Variants in PHACTR1 observed in about 807,000 individuals in gnomAD.
PHACTR1 encodes the protein phosphatase and actin regulator 1, also known as RPEL repeat containing 1.
Under a neutral mutation model 69.2 loss-of-function variants are expected in PHACTR1, and 16 were observed. The observed-to-expected ratio is 0.23, with a 90% CI of 0.16 to 0.35. The LOEUF (loss-of-function observed/expected upper bound fraction) is 0.35. Ranked by LOEUF, PHACTR1 falls within the 10% of genes least tolerant of loss-of-function variation. The probability of loss-of-function intolerance (pLI) is 1.00; values close to 1 mark genes in which losing one functional copy is unlikely to be tolerated. For synonymous variants in PHACTR1, 312 were observed against 284.5 expected (o/e 1.10, Z -0.97); for missense variants, 510 against 734.7 (o/e 0.69, Z 3.54).
At chr6:12,975,148 G>A (rs921799842) in intron 4 of PHACTR1, among the ~76,000 whole-genome samples, 2 of 152,164 alleles carry the variant, frequency 1.3e-5, no homozygotes, top group Non-Finnish European at 2.9e-5. Flanking sequence ...TATGGGAAAT[G>A]AATATTAAAT....
rs140715086 is a variant in PHACTR1 at position 13,224,927 on chromosome 6, C to A, written c.987-2889C>A. On this transcript the variant is annotated intron_variant, in intron 8 of 14. Transcript: ENST00000332995. The stretch of plus-strand genomic sequence containing the variant: ...TGTCAATAACCAGTGAGGGTCTCAT[C>A]TGAGGCCGTGTCAACAGGCGACTTC... 5.3e-3 allele frequency among the ~76,000 whole-genome samples: 806 copies of A among 152,296 alleles called. 12 individuals carry two copies. Among genetic ancestry groups the A allele is most frequent in the African/African-American group, 0.019 (772 of 41,556 alleles).
intron 4 of PHACTR1, among the ~76,000 whole-genome samples, chr6:12,966,443 G>A (rs1391923807): frequency 6.6e-6 from 1 of 152,242 alleles, no homozygotes; most frequent in African/African-American, 2.4e-5. Context: ...ACCCAGGCAA[G>A]GGGACCCTGG....
intron 5 of PHACTR1, among the ~76,000 whole-genome samples, chr6:13,157,402 C>T (rs1758339184): frequency 6.6e-6 from 1 of 152,240 alleles, no homozygotes. Flanking sequence ...GTCTGAATGT[C>T]ACATGAGTCT....
At chr6:13,008,031 A>G (rs910894290) in intron 4 of PHACTR1, among the ~76,000 whole-genome samples, 1 of 152,222 alleles carries the variant, frequency 6.6e-6, no homozygotes, top group Non-Finnish European at 1.5e-5. Flanking sequence ...CACAAAACAC[A>G]CAAAAAACTG....
intron 3 of PHACTR1, among the ~76,000 whole-genome samples, chr6:12,748,433 G>A (rs961156438): frequency 6.6e-6 from 1 of 152,152 alleles, no homozygotes; most frequent in Admixed American, 6.5e-5. Context: ...GATTTAATCT[G>A]TACTCCAGGT....
At chr6:12,821,503 GAA>G (rs1279080303) in intron 4 of PHACTR1, among the ~76,000 whole-genome samples, 5 of 128,492 alleles carry the variant, frequency 3.9e-5, no homozygotes, top group African/African-American at 1.4e-4. Flanking sequence ...GAGAGAGAGA[GAA>G]GTTAAGCATC....
intron 5 of PHACTR1, among the ~76,000 whole-genome samples, chr6:13,100,397 T>C (rs948508584): frequency 6.6e-6 from 1 of 152,230 alleles, no homozygotes; most frequent in Non-Finnish European, 1.5e-5. Flanking sequence ...CTTGTCTGCC[T>C]GTAGTAGGTA....
At chr6:12,784,647 T>G (rs1771300106) in intron 4 of PHACTR1, among the ~76,000 whole-genome samples, 1 of 152,024 alleles carries the variant, frequency 6.6e-6, no homozygotes, top group South Asian at 2.1e-4. Context: ...CATAATGATA[T>G]ATACATATAT....
At chr6:12,830,544 GAAGACTCATTTC>G in intron 4 of PHACTR1, among the ~76,000 whole-genome samples, 1 of 150,690 alleles carries the variant, frequency 6.6e-6, no homozygotes, top group East Asian at 1.9e-4. Flanking sequence ...TATACTAACT[GAAGACTCATTTC>G]TTCTGAGTAA....
chr6:13,167,518 G>C (rs6930563), intron 6 of PHACTR1, among the ~76,000 whole-genome samples: 9,128 of 152,278 alleles, frequency 0.06, 755 homozygotes, highest in African/African-American at 0.18. Flanking sequence ...CGTGAGATCA[G>C]TGAAGCTGCC....
intron 6 of PHACTR1, among the ~76,000 whole-genome samples, chr6:13,174,506 C>T (rs1305308395): frequency 6.6e-6 from 1 of 152,226 alleles, no homozygotes; most frequent in Non-Finnish European, 1.5e-5. Context: ...TGGCACTTCA[C>T]TTACATAATG....
chr6:12,921,224 T>C (rs900466877), intron 4 of PHACTR1, among the ~76,000 whole-genome samples: 1 of 152,206 alleles, frequency 6.6e-6, no homozygotes, highest in Non-Finnish European at 1.5e-5. Context: ...AATGGCCAAG[T>C]AATTTTTTAG....
chr6:13,097,667 C>T lies in PHACTR1; in HGVS notation c.415+44138C>T, dbSNP rs569661352. Among the ~76,000 whole-genome samples the T allele has an allele frequency of 1.6e-4, 24 of 152,328 alleles. No individual in the cohort carries two copies. The South Asian group carries it at 4.6e-3, about 29-fold the overall frequency. On this transcript the variant is annotated intron_variant, in intron 5 of 14. Transcript: ENST00000332995. The stretch of plus-strand genomic sequence containing the variant: ...TCAACCATGGCACATTGCCCTACTG[C>T]AAACTTGGCAGCCTCAGTGGGGCCT...
At chr6:13,264,612 G>A (rs558679137) in intron 10 of PHACTR1, among the ~76,000 whole-genome samples, 4 of 152,206 alleles carry the variant, frequency 2.6e-5, no homozygotes, top group South Asian at 2.1e-4. Context: ...CCAGCTACTC[G>A]GGAGGCTGAG....
At chr6:13,014,512 T>C (rs1799883205) in intron 4 of PHACTR1, among the ~76,000 whole-genome samples, 1 of 152,176 alleles carries the variant, frequency 6.6e-6, no homozygotes, top group Non-Finnish European at 1.5e-5. Context: ...CGTCCTCCTA[T>C]TATGATGGGA....
At chr6:13,272,821 T>C in intron 10 of PHACTR1, 39 bp from the exon 11 acceptor site, 1 of 1,614,044 alleles carries the variant, frequency 6.2e-7, no homozygotes, top group South Asian at 1.1e-5. Context: ...AAGGAGGCTA[T>C]GATATGGTCC....
intron 6 of PHACTR1, among the ~76,000 whole-genome samples, chr6:13,164,353 T>A (rs80213523): frequency 6.6e-6 from 1 of 152,200 alleles, no homozygotes; most frequent in Admixed American, 6.5e-5. Flanking sequence ...TTCGGAGCAA[T>A]CATTCCATAT....
At chr6:13,208,000 G>C (rs543658396) in intron 8 of PHACTR1, among the ~76,000 whole-genome samples, 10 of 152,110 alleles carry the variant, frequency 6.6e-5, no homozygotes, top group African/African-American at 2.4e-4. Flanking sequence ...TTGATTGTTT[G>C]GTGTTAACAC....
chr6:13,215,348 A>G (rs1184284660), intron 8 of PHACTR1, among the ~76,000 whole-genome samples: 1 of 152,230 alleles, frequency 6.6e-6, no homozygotes, highest in Admixed American at 6.5e-5. Flanking sequence ...TGGTCTATGA[A>G]ATTCGGAGTT....
Sources: allele counts gnomAD v4.1 joint callset (sites outside exome capture counted in the v4.1 genomes callset), GRCh38; gene constraint gnomAD v4.1.1; transcripts MANE v1.5; gene names NCBI Gene and HGNC (gene_info 2026-07-23, HGNC 2026-07-21).